SOX6: variants seen among roughly 807,000 people sequenced by gnomAD.
SOX6 encodes the protein SRY-box transcription factor 6.
SOX6 carries 11 observed loss-of-function variants against 97.8 expected under a neutral mutation model. That is an observed-to-expected ratio of 0.11 (90% CI 0.07 to 0.19). The LOEUF is 0.19. Among genes scored for constraint, SOX6 ranks in the 10% least tolerant of loss-of-function variants. The pLI is 1.00. For missense variants in SOX6, 810 were observed against 1,039.5 expected (o/e 0.78, Z 3.04); for synonymous variants, 360 against 371.4 (o/e 0.97, Z 0.35).
At chr11:16,032,780 C>A (rs1388496545) in intron 12 of SOX6, among the ~76,000 whole-genome samples, 1 of 152,094 alleles carries the variant, frequency 6.6e-6, no homozygotes, top group African/African-American at 2.4e-5. Context: ...TGTCCTCCAG[C>A]CATTATTCCC....
chr11:16,729,105 T>C (rs1182103958), intron 2 of SOX6, among the ~76,000 whole-genome samples: 2 of 152,196 alleles, frequency 1.3e-5, no homozygotes, highest in African/African-American at 4.8e-5. Context: ...CTACATTTGA[T>C]GGGTGTACCT....
chr11:16,485,472 C>T (rs1444723890), intron 4 of SOX6, among the ~76,000 whole-genome samples: 1 of 152,048 alleles, frequency 6.6e-6, no homozygotes. Flanking sequence ...TGGCTTACAC[C>T]TGTAATCCCA....
intron 15 of SOX6, among the ~76,000 whole-genome samples, chr11:15,982,902 T>A (rs1158519055): frequency 6.6e-6 from 1 of 151,982 alleles, no homozygotes; most frequent in East Asian, 1.9e-4. Context: ...GTATATTCGG[T>A]CACAGTTCTT....
intron 4 of SOX6, among the ~76,000 whole-genome samples, chr11:16,586,426 G>C (rs1848094115): frequency 6.6e-6 from 1 of 152,174 alleles, no homozygotes; most frequent in Non-Finnish European, 1.5e-5. Flanking sequence ...TAAAAGCCAA[G>C]AGCCAACCAT....
At chr11:16,124,696 C>A (rs1203219887) in intron 6 of SOX6, among the ~76,000 whole-genome samples, 1 of 151,876 alleles carries the variant, frequency 6.6e-6, no homozygotes, top group Non-Finnish European at 1.5e-5. Context: ...TATTTAGGGC[C>A]TTGTAGAGCA....
intron 4 of SOX6, among the ~76,000 whole-genome samples, chr11:16,202,313 G>T (rs545587163): frequency 9.2e-5 from 14 of 152,022 alleles, no homozygotes; most frequent in Non-Finnish European, 1.8e-4. Flanking sequence ...GAATTTTATT[G>T]TAAAGGAAGA....
intron 1 of SOX6, among the ~76,000 whole-genome samples, chr11:16,463,575 T>C (rs1859972891): frequency 6.6e-6 from 1 of 152,222 alleles, no homozygotes; most frequent in South Asian, 2.1e-4. Flanking sequence ...GTCTAGCACA[T>C]ACAGGTTCTT....
chr11:16,248,847 C>T (rs1853419574), intron 3 of SOX6, among the ~76,000 whole-genome samples: 1 of 152,110 alleles, frequency 6.6e-6, no homozygotes, highest in Non-Finnish European at 1.5e-5. Flanking sequence ...CCTGTAATCC[C>T]AGCACTTTGG....
intron 4 of SOX6, among the ~76,000 whole-genome samples, chr11:16,536,235 C>T (rs973302935): frequency 6.6e-6 from 1 of 152,214 alleles, no homozygotes; most frequent in Admixed American, 6.5e-5. Context: ...AATAACTTTA[C>T]ACATTTGAAT....
intron 13 of SOX6, among the ~76,000 whole-genome samples, chr11:16,013,791 A>G (rs1854803089): frequency 6.6e-6 from 1 of 152,004 alleles, no homozygotes; most frequent in Non-Finnish European, 1.5e-5. Flanking sequence ...CCTAATGTCT[A>G]ATACTATTCA....
At chr11:16,711,866 C>A (rs904111636) in intron 3 of SOX6, among the ~76,000 whole-genome samples, 3 of 151,962 alleles carry the variant, frequency 2.0e-5, no homozygotes, top group African/African-American at 7.3e-5. Flanking sequence ...TCCCTCATCC[C>A]CCTCTCACAC....
upstream of SOX6, among the ~76,000 whole-genome samples, chr11:16,357,116 T>C (rs1302633702): frequency 6.6e-6 from 1 of 152,246 alleles, no homozygotes; most frequent in Non-Finnish European, 1.5e-5. Context: ...TATGTCTCTA[T>C]TTCTCCAGGC....
intron 4 of SOX6, among the ~76,000 whole-genome samples, chr11:16,230,721 A>G (rs1346152517): frequency 1.3e-5 from 2 of 151,780 alleles, no homozygotes; most frequent in Non-Finnish European, 3.0e-5. Flanking sequence ...TAAATTAAAG[A>G]TAAACTTTAA....
chr11:16,355,211 C>T (rs1857042158), intron 1 of SOX6, among the ~76,000 whole-genome samples: 1 of 151,924 alleles, frequency 6.6e-6, no homozygotes, highest in African/African-American at 2.4e-5. Context: ...GATAAACTTG[C>T]CTAAAGACCA....
rs1853237101 is a variant in SOX6, at chr11:15,969,297, T to C, written c.*3512A>G. On this transcript the variant is annotated 3_prime_UTR_variant, in exon 16 of 16. Transcript: ENST00000683767. Reference sequence around the variant, plus strand: ...GTTTATTAACGGCCGATCTCAGAGGTGGATTTTTGCCTTTGTAGTGGCATT... The same window carrying C: ...GTTTATTAACGGCCGATCTCAGAGGCGGATTTTTGCCTTTGTAGTGGCATT... 1 of 152,078 alleles carries C rather than the reference T, an allele frequency of 6.6e-6. No homozygotes were observed. Among genetic ancestry groups the C allele is most frequent in the Non-Finnish European group, 1.5e-5 (1 of 67,996 alleles). 9.4% of individuals were successfully genotyped at this position (152,078 alleles called of 1,614,324 possible).
chr11:16,234,705 A>C lies in SOX6; in HGVS notation c.446-34T>G, dbSNP rs763880169. The C allele has an allele frequency of 1.7e-4, 212 of 1,213,574 alleles. 1 individual carries two copies. The highest frequency in any genetic ancestry group is 2.4e-4 in the Admixed American group (11 of 45,504). The allele number at this position is 1,213,574 out of a possible 1,614,324, so 75.2% of individuals were successfully genotyped here. On this transcript the variant is annotated intron_variant, in intron 3 of 15. Coordinates refer to ENST00000683767, the MANE Select transcript of SOX6 (RefSeq NM_001367873.1). Reference sequence around the variant, plus strand: ...ATACAAAAGTAAGTATTAAAAATATATATTTATTACAAATTTAGAAAGTCA... The same window carrying C: ...ATACAAAAGTAAGTATTAAAAATATCTATTTATTACAAATTTAGAAAGTCA...
At chr11:16,480,440 T>C (rs781266109), upstream of SOX6, among the ~76,000 whole-genome samples, 8 of 151,992 alleles carry the variant, frequency 5.3e-5, no homozygotes, top group Non-Finnish European at 8.8e-5. Flanking sequence ...TTCAAATGAG[T>C]ATCTTAACAT....
In SOX6 at chr11:16,429,082, C is replaced by T. The variant is rs375428707; in HGVS notation, c.-5+47233G>A. 4.1e-4 allele frequency among the ~76,000 whole-genome samples: 62 copies of T among 152,286 alleles called. 1 individual carries two copies. Among genetic ancestry groups the T allele is most frequent in the Non-Finnish European group, 5.3e-4 (36 of 68,006 alleles). On this transcript the variant is annotated intron_variant, in intron 1 of 15. Transcript: ENST00000396356. ...CAACAATCATATAAAAAAAGTTCAA[C>T]GTCACTGATCTTTAGAGAAATGCAA...
At chr11:16,136,749 T>C (rs1849976488) in intron 6 of SOX6, among the ~76,000 whole-genome samples, 1 of 152,210 alleles carries the variant, frequency 6.6e-6, no homozygotes, top group South Asian at 2.1e-4. Flanking sequence ...ATAACTTTTA[T>C]ATGCATTGGG....
Sources: gnomAD v4.1 joint callset for allele counts (sites outside exome capture counted in the v4.1 genomes callset) on GRCh38, gnomAD v4.1.1 for gene constraint, MANE v1.5 for transcripts, NCBI Gene and HGNC (gene_info 2026-07-23, HGNC 2026-07-21) for gene names.